The following GPC5 variants were observed in gnomAD, a reference collection of about 807,000 sequenced individuals.
GPC5 encodes the protein glypican-5.
GPC5 carries 47 observed loss-of-function variants against 53.9 expected under a neutral mutation model. That is an observed-to-expected ratio of 0.87 (90% CI 0.69 to 1.11). The LOEUF (loss-of-function observed/expected upper bound fraction) is 1.11. Among genes scored for constraint, GPC5 ranks in the 50% most tolerant of loss-of-function variants. GPC5 has a pLI of 0.00. For missense variants in GPC5, 748 were observed against 713.1 expected (o/e 1.05, Z -0.56); for synonymous variants, 286 against 263.3 (o/e 1.09, Z -0.84).
chr13:92,656,500 T>A (rs1201780514), intron 7 of GPC5, among the ~76,000 whole-genome samples: 1 of 152,132 alleles, frequency 6.6e-6, no homozygotes, highest in Admixed American at 6.5e-5. Context: ...AGGGCCCAGG[T>A]ACACAATAGA....
chr13:91,659,785 A>T lies in GPC5; in HGVS notation c.326-33402A>T, dbSNP rs2034940330. Among the ~76,000 whole-genome samples the T allele has an allele frequency of 2.6e-5, 4 of 152,136 alleles. No individual in the cohort carries two copies. The South Asian group carries it at 8.3e-4, about 32-fold the overall frequency. ...CCATGATCGCCACCTCCTGGTATTC[A>T]CACCTCTGTGTAACACCCTCCACTT... On this transcript the variant is annotated intron_variant, in intron 2 of 7. Transcript: ENST00000377067.
chr13:92,172,258 G>C (rs2042076120), intron 7 of GPC5, among the ~76,000 whole-genome samples: 1 of 152,044 alleles, frequency 6.6e-6, no homozygotes, highest in Non-Finnish European at 1.5e-5. Context: ...TGGAGTAGTG[G>C]GGTCAAGTTG....
chr13:92,132,022 C>A (rs1263039823), intron 6 of GPC5, among the ~76,000 whole-genome samples: 1 of 151,910 alleles, frequency 6.6e-6, no homozygotes, highest in Non-Finnish European at 1.5e-5. Flanking sequence ...CAATTGTCCA[C>A]CAAGGGCAGA....
chr13:91,609,453 A>G (rs1436985365), intron 2 of GPC5, among the ~76,000 whole-genome samples: 1 of 152,150 alleles, frequency 6.6e-6, no homozygotes, highest in African/African-American at 2.4e-5. Context: ...ACCAGTATCA[A>G]CCCCAGAGGA....
At chr13:92,290,172 G>C (rs2042983668) in intron 7 of GPC5, among the ~76,000 whole-genome samples, 2 of 151,962 alleles carry the variant, frequency 1.3e-5, no homozygotes, top group African/African-American at 4.8e-5. Context: ...TATATATGTG[G>C]GACTTTCAAC....
At chr13:92,028,505 C>T (rs576496993) in intron 6 of GPC5, among the ~76,000 whole-genome samples, 4 of 152,044 alleles carry the variant, frequency 2.6e-5, no homozygotes, top group South Asian at 4.1e-4. Context: ...TTCTAATTGT[C>T]GAATTCAGTG....
intron 1 of GPC5, among the ~76,000 whole-genome samples, chr13:91,416,826 C>T (rs1878267100): frequency 1.3e-5 from 2 of 152,062 alleles, no homozygotes; most frequent in African/African-American, 4.8e-5. Context: ...GTATGTTTGC[C>T]ACATTTTCTT....
chr13:92,421,698 C>CAAAAAAAAAACAAAAAAAAAAAAAAA (rs1876574111), intron 7 of GPC5, among the ~76,000 whole-genome samples: 1 of 69,508 alleles, frequency 1.4e-5, no homozygotes, highest in African/African-American at 6.3e-5. Context: ...GACTCCGTCT[C>CAAAAAAAAAACAAAAAAAAAAAAAAA]AAAAAAAAAA....
chr13:91,708,758 C>T (rs774161843), intron 3 of GPC5, among the ~76,000 whole-genome samples: 4 of 152,054 alleles, frequency 2.6e-5, no homozygotes, highest in Non-Finnish European at 5.9e-5. Flanking sequence ...AAATAGAAAA[C>T]CAGTATATGC....
intron 7 of GPC5, among the ~76,000 whole-genome samples, chr13:92,480,387 T>C (rs1461723514): frequency 6.6e-6 from 1 of 152,154 alleles, no homozygotes; most frequent in African/African-American, 2.4e-5. Context: ...GACAGTGTTT[T>C]TCAAATAAGG....
Position 91,502,459 on chromosome 13 carries a change from A to T in GPC5, c.325+53537A>T, listed in dbSNP as rs539596650. On this transcript the variant is annotated intron_variant, in intron 2 of 7. Coordinates refer to ENST00000377067, the MANE Select transcript of GPC5 (RefSeq NM_004466.6). ...AGATAGCTTAAAAGGAGGCAGGTGA[A>T]CAGCACTGGAGGGAGGGGAGTAGTG... Among the ~76,000 whole-genome samples the T allele has an allele frequency of 7.2e-5, 11 of 152,294 alleles. 1 individual carries two copies. The South Asian group carries it at 2.3e-3, about 32-fold the overall frequency.
chr13:91,504,541 A>T (rs976891205), intron 2 of GPC5, among the ~76,000 whole-genome samples: 18 of 152,288 alleles, frequency 1.2e-4, no homozygotes, highest in South Asian at 2.1e-4. Context: ...TATAACAGCA[A>T]CTACTTCGAA....
At chr13:92,407,335 G>T (rs1030231102) in intron 7 of GPC5, among the ~76,000 whole-genome samples, 3 of 152,138 alleles carry the variant, frequency 2.0e-5, no homozygotes, top group Non-Finnish European at 4.4e-5. Context: ...AGCCAACAAA[G>T]TTATGTTTAA....
chr13:91,431,735 C>T (rs565962342), intron 1 of GPC5, among the ~76,000 whole-genome samples: 49 of 152,234 alleles, frequency 3.2e-4, no homozygotes, highest in African/African-American at 1.1e-3. Context: ...CTCCCATGGA[C>T]GGGGATGTTG....
At chr13:92,396,937 C>A (rs1430061632) in intron 7 of GPC5, among the ~76,000 whole-genome samples, 1 of 152,098 alleles carries the variant, frequency 6.6e-6, no homozygotes, top group East Asian at 1.9e-4. Flanking sequence ...AGAGAGGAGG[C>A]CTTTGCTATG....
chr13:91,526,396 T>C (rs1384637031), intron 2 of GPC5, among the ~76,000 whole-genome samples: 1 of 152,192 alleles, frequency 6.6e-6, no homozygotes, highest in African/African-American at 2.4e-5. Flanking sequence ...TAGCCTTGTG[T>C]ATGAGTACTG....
chr13:91,467,978 T>A (rs1374444458), intron 2 of GPC5, among the ~76,000 whole-genome samples: 1 of 152,190 alleles, frequency 6.6e-6, no homozygotes, highest in Non-Finnish European at 1.5e-5. Flanking sequence ...TATCGCTGGC[T>A]CACATCCATG....
chr13:92,294,095 A>G (rs2139187782), intron 7 of GPC5, among the ~76,000 whole-genome samples: 1 of 152,234 alleles, frequency 6.6e-6, no homozygotes, highest in Middle Eastern at 3.4e-3. Context: ...TTGGTTACCT[A>G]GTATTTTGTT....
At chr13:92,635,666 C>T (rs1048943010) in intron 7 of GPC5, among the ~76,000 whole-genome samples, 14 of 152,328 alleles carry the variant, frequency 9.2e-5, no homozygotes, top group African/African-American at 3.4e-4. Flanking sequence ...AAAATTCACA[C>T]TATAACCCTG....
Sources: gnomAD v4.1 joint callset for allele counts (sites outside exome capture counted in the v4.1 genomes callset) on GRCh38, gnomAD v4.1.1 for gene constraint, MANE v1.5 for transcripts, NCBI Gene and HGNC (gene_info 2026-07-23, HGNC 2026-07-21) for gene names.